The following POLR3A variants were observed in gnomAD, a reference collection of about 807,000 sequenced individuals.
POLR3A encodes the protein DNA-directed RNA polymerase III subunit RPC1.
Under a neutral mutation model 152.8 loss-of-function variants are expected in POLR3A, and 112 were observed. The ratio of observed to expected loss-of-function variants is 0.73; its 90% confidence interval spans 0.63 to 0.86. The LOEUF (loss-of-function observed/expected upper bound fraction) is 0.86. Ranked by LOEUF, POLR3A falls within the 40% of genes least tolerant of loss-of-function variation. POLR3A has a pLI of 0.00. For missense variants in POLR3A, 1,385 were observed against 1,743.1 expected (o/e 0.79, Z 3.66); for synonymous variants, 615 against 652.1 (o/e 0.94, Z 0.87).
chr10:77,989,475 T>TAGTC (rs1847227508), intron 21 of POLR3A, among the ~76,000 whole-genome samples: 1 of 152,318 alleles, frequency 6.6e-6, no homozygotes, highest in African/African-American at 2.4e-5. Context: ...AGGACATGTT[T>TAGTC]AGTCATCCTT....
In POLR3A at chr10:78,001,005, A is replaced by C; in HGVS notation, c.2449T>G (p.Ser817Ala). ...GAGTGTTTTTCAAAATGAGGCAAGGACCTGTTTTCAAAGCCGTCTGGCACT... is the reference window on the plus strand; with the variant it reads ...GAGTGTTTTTCAAAATGAGGCAAGGCCCTGTTTTCAAAGCCGTCTGGCACT... The part of the protein sequence containing the change: ...SRVPDGFENR[S>A]LPHFEKHSKL... The change falls in exon 18 of 31, where the codon TCC becomes GCC. Residue 817 changes from serine (S) to alanine (A), a missense_variant. Coordinates refer to ENST00000372371, the MANE Select transcript of POLR3A (RefSeq NM_007055.4). The C allele has an allele frequency of 1.9e-6, 3 of 1,603,834 alleles. No homozygotes were observed. The highest frequency in any genetic ancestry group is 2.6e-6 in the Non-Finnish European group (3 of 1,171,538).
At chr10:78,022,116 A>T in intron 6 of POLR3A, 29 bp downstream of exon 6, 4 of 1,614,170 alleles carry the variant, frequency 2.5e-6, no homozygotes, top group Non-Finnish European at 2.5e-6. Flanking sequence ...ATATACTATG[A>T]AACTTACAAG....
At chr10:78,000,144 A>C (rs1312165149) in intron 18 of POLR3A, 26 bp from the exon 19 acceptor site, 1 of 1,613,034 alleles carries the variant, frequency 6.2e-7, no homozygotes, top group East Asian at 2.2e-5. Context: ...AAAAAGAAAA[A>C]TCAAACAAAA....
rs1847140193 is a variant in POLR3A, at chr10:77,981,429, T to C, written c.3890A>G (p.Lys1297Arg). The C allele has an allele frequency of 6.2e-7, 1 of 1,613,936 alleles. No homozygotes were observed. Among genetic ancestry groups the C allele is most frequent in the African/African-American group, 1.3e-5 (1 of 74,944 alleles). Residue 1297 changes from lysine to arginine, a missense_variant and splice_region_variant, in exon 29 of 31, where the codon AAG becomes AGG. Lys to Arg is a conservative substitution (Grantham distance 26). Around this residue, in one of 7 missense-constraint regions of POLR3A, gnomAD observed 332 missense variants for 400.1 expected, o/e 0.83. Transcript: ENST00000372371. ...CCCGGGGGCCTCCTGCCCACATACCTTGTAGGTCATGAGGTCGGAGAGCAG... is the reference window on the plus strand; with the variant it reads ...CCCGGGGGCCTCCTGCCCACATACCCTGTAGGTCATGAGGTCGGAGAGCAG... ...VMLLSDLMTY[K>R]GEVLGITRFG...
In POLR3A at chr10:77,993,125, C is replaced by T. The variant is rs1295968830; in HGVS notation, c.2787+72G>A. 6.2e-5 allele frequency: 71 copies of T among 1,149,218 alleles called. 1 individual carries two copies. Among genetic ancestry groups the T allele is most frequent in the Non-Finnish European group, 5.0e-5 (38 of 756,454 alleles). 71.2% of individuals were successfully genotyped at this position (1,149,218 alleles called of 1,614,324 possible). A position where few individuals can be genotyped will look rare whatever the true frequency, so the allele number is the denominator to read the frequency against. On this transcript the variant is annotated intron_variant, in intron 20 of 30. Coordinates refer to ENST00000372371, the MANE Select transcript of POLR3A (RefSeq NM_007055.4). Reference sequence around the variant, plus strand: ...GTATTTATTAACTGCAATTGATAGTCCAAACAGTACTTCCGTCCTAAAGAA... The same window carrying T: ...GTATTTATTAACTGCAATTGATAGTTCAAACAGTACTTCCGTCCTAAAGAA...
Position 77,982,543 on chromosome 10 carries a change from C to T in POLR3A, c.3594+110G>A, listed in dbSNP as rs142073480. The T allele has an allele frequency of 7.0e-5, 74 of 1,064,696 alleles. No homozygotes were observed. The African/African-American group carries it at 9.1e-4, about 13-fold the overall frequency. The allele number at this position is 1,064,696 out of a possible 1,614,324, so 66.0% of individuals were successfully genotyped here. ...CAGACTAACTCCTTGGGGATAAGGC[C>T]AAGAAGAAATTAAGAAATCGGACTA... On this transcript the variant is annotated intron_variant, in intron 27 of 30. Coordinates refer to ENST00000372371, the MANE Select transcript of POLR3A (RefSeq NM_007055.4).
At chr10:77,981,678 G>C in intron 28 of POLR3A, 119 bp from the exon 29 acceptor site, 1 of 1,260,244 alleles carries the variant, frequency 7.9e-7, no homozygotes. Flanking sequence ...TCCAGAAATG[G>C]ATTGCTGGGC....
chr10:78,000,705 T>TTTA (rs1465632154), intron 18 of POLR3A, among the ~76,000 whole-genome samples: 1 of 152,196 alleles, frequency 6.6e-6, no homozygotes, highest in Admixed American at 6.5e-5. Context: ...TTAAAGTTTA[T>TTTA]TTATTTGTAG....
intron 21 of POLR3A, among the ~76,000 whole-genome samples, chr10:77,990,468 G>C (rs1004229631): frequency 6.6e-6 from 1 of 152,138 alleles, no homozygotes; most frequent in Admixed American, 6.5e-5. Flanking sequence ...AACAAAATCA[G>C]CATTTTTCTT....
Position 77,988,494 on chromosome 10 carries a change from G to GA in POLR3A, c.2902-2336dup, listed in dbSNP as rs202023752. ...CCGAGATTGTGAGACTCTGTCTCAG[G>GA]AAAAAAAAAACAAAAAAACTTTTAT... is the stretch of plus-strand genomic sequence containing the variant. On this transcript the variant is annotated intron_variant, in intron 21 of 30. Transcript: ENST00000372371. Among the ~76,000 whole-genome samples, 645 of 145,228 alleles carry GA rather than the reference G, an allele frequency of 4.4e-3. 13 individuals carry two copies. In the East Asian group the frequency reaches 0.069, roughly 16 times the overall value.
chr10:77,991,237 C>T, intron 20 of POLR3A, 70 bp from the exon 21 acceptor site: 1 of 869,438 alleles, frequency 1.2e-6, no homozygotes, highest in South Asian at 1.3e-5. Flanking sequence ...GATGAGAGAA[C>T]TTACAAAGGA....
intron 21 of POLR3A, among the ~76,000 whole-genome samples, chr10:77,989,994 A>G (rs1245822412): frequency 3.3e-5 from 5 of 152,194 alleles, no homozygotes; most frequent in African/African-American, 9.6e-5. Flanking sequence ...GAGCTTCCTT[A>G]ACACAAATAT....
intron 19 of POLR3A, among the ~76,000 whole-genome samples, chr10:77,998,345 CT>C (rs559628829): frequency 0.032 from 4,904 of 152,182 alleles, 286 homozygotes; most frequent in African/African-American, 0.11. Flanking sequence ...GCAAAAGAAA[CT>C]ACCATCAGAG....
rs760888111 is a variant in POLR3A, at chr10:77,980,205, G to A, written c.3960C>T (p.Ser1320=). Residue 1320 remains serine (S), a synonymous_variant, in exon 30 of 31, where the codon TCC becomes TCT. Coordinates refer to ENST00000372371, the MANE Select transcript of POLR3A (RefSeq NM_007055.4). ...KMKESVLMLA[S]FEKTADHLFD... ...AGAGATGGTCAGCCGTCTTCTCAAAGGAGGCCAGCATCAGCACACTCTCCT... is the reference window on the plus strand; with the variant it reads ...AGAGATGGTCAGCCGTCTTCTCAAAAGAGGCCAGCATCAGCACACTCTCCT... 5.6e-6 allele frequency: 9 copies of A among 1,613,780 alleles called. No individual in the cohort carries two copies. The highest frequency in any genetic ancestry group is 1.3e-5 in the African/African-American group (1 of 74,902).
At position 78,007,723 on chromosome 10, in the gene POLR3A, T is replaced by TGGCG; in HGVS notation, c.2049_2052dup (p.Leu686GlnfsTer9). 1 of 1,613,760 alleles carries TGGCG rather than the reference T, an allele frequency of 6.2e-7. No homozygotes were observed. The highest frequency in any genetic ancestry group is 8.5e-7 in the Non-Finnish European group (1 of 1,179,838). Reference sequence around the variant, plus strand: ...TTACACAGGTAGACAGGAGCCAGCCTGGCGAGCCGTGACATGGCATCTGCA... The same window carrying TGGCG: ...TTACACAGGTAGACAGGAGCCAGCCTGGCGGGCGAGCCGTGACATGGCATCTGCA... On this transcript the variant is annotated frameshift_variant, in exon 15 of 31. Coordinates refer to ENST00000372371, the MANE Select transcript of POLR3A (RefSeq NM_007055.4). LOFTEE classifies it high-confidence loss of function.
intron 19 of POLR3A, among the ~76,000 whole-genome samples, chr10:77,993,775 G>A (rs989797456): frequency 1.3e-5 from 2 of 152,122 alleles, no homozygotes; most frequent in African/African-American, 4.8e-5. Context: ...TATGAATTAC[G>A]GAGGATCAGG....
intron 1 of POLR3A, among the ~76,000 whole-genome samples, chr10:78,028,455 G>A (rs922100792): frequency 6.6e-6 from 1 of 151,938 alleles, no homozygotes; most frequent in African/African-American, 2.4e-5. Flanking sequence ...TATCTTTAAC[G>A]TCCAACACTG....
intron 21 of POLR3A, among the ~76,000 whole-genome samples, chr10:77,986,556 G>A (rs1165286743): frequency 6.6e-6 from 1 of 151,860 alleles, no homozygotes; most frequent in African/African-American, 2.4e-5. Flanking sequence ...TAATTTTTGA[G>A]GGTTTCTTCT....
intron 17 of POLR3A, 93 bp from the exon 18 acceptor site, chr10:78,001,187 C>A: frequency 4.2e-6 from 3 of 708,520 alleles, no homozygotes; most frequent in Admixed American, 3.7e-5. Flanking sequence ...GGAATAGGCC[C>A]TTATGCTCAA....
Sources: allele counts gnomAD v4.1 joint callset (sites outside exome capture counted in the v4.1 genomes callset), GRCh38; gene constraint gnomAD v4.1.1; regional missense constraint gnomAD v4.1.1; transcripts MANE v1.5; gene names NCBI Gene and HGNC (gene_info 2026-07-23, HGNC 2026-07-21).